ARB2A: variants seen among roughly 807,000 people sequenced by gnomAD.
ARB2A encodes ARB2 cotranscriptional regulator A, also known as cotranscriptional regulator ARB2A.
the ARB2A span, among the ~76,000 whole-genome samples, chr5:94,068,482 T>C: frequency 6.6e-6 from 1 of 152,122 alleles, no homozygotes; most frequent in Non-Finnish European, 1.5e-5. Context: ...CAAGATTTAA[T>C]AGAGTGAAAA....
chr5:93,888,219 AT>A, the ARB2A span, among the ~76,000 whole-genome samples: 1 of 151,886 alleles, frequency 6.6e-6, no homozygotes, highest in Non-Finnish European at 1.5e-5. Context: ...CCATTAATAC[AT>A]TTACCATTCA....
the ARB2A span, among the ~76,000 whole-genome samples, chr5:93,804,536 T>C: frequency 6.6e-6 from 1 of 151,816 alleles, no homozygotes; most frequent in African/African-American, 2.4e-5. Flanking sequence ...AAAGAAAAAA[T>C]ACAGCATAAA....
chr5:93,775,058 G>C, the ARB2A span, among the ~76,000 whole-genome samples: 1 of 151,866 alleles, frequency 6.6e-6, no homozygotes, highest in Non-Finnish European at 1.5e-5. Flanking sequence ...GTCTGTCTCT[G>C]TGTGTGTGTA....
At chr5:93,737,825 C>T in the ARB2A span, 3 of 406,386 alleles carry the variant, frequency 7.4e-6, no homozygotes, top group African/African-American at 4.2e-5. Flanking sequence ...ATACCGTATA[C>T]AAAAATTAAC....
At chr5:94,008,128 CAA>C in the ARB2A span, among the ~76,000 whole-genome samples, 1 of 152,100 alleles carries the variant, frequency 6.6e-6, no homozygotes, top group African/African-American at 2.4e-5. Flanking sequence ...CCAGAATCTA[CAA>C]AGAGAGAAGC....
chr5:94,020,192 T>G, the ARB2A span, among the ~76,000 whole-genome samples: 1 of 143,222 alleles, frequency 7.0e-6, no homozygotes, highest in Non-Finnish European at 1.5e-5. Flanking sequence ...ATGTTCTCAC[T>G]CATAAGTGGG....
chr5:93,627,212 T>G, the ARB2A span, among the ~76,000 whole-genome samples: 1 of 152,322 alleles, frequency 6.6e-6, no homozygotes, highest in East Asian at 1.9e-4. Context: ...GCAGTTTACT[T>G]CCTTTACTGA....
the ARB2A span, among the ~76,000 whole-genome samples, chr5:93,960,999 A>T: frequency 4.4e-4 from 67 of 152,164 alleles, no homozygotes; most frequent in Non-Finnish European, 8.7e-4. Flanking sequence ...ACCTAGGAAC[A>T]TTATATAAAA....
the ARB2A span, among the ~76,000 whole-genome samples, chr5:93,926,992 G>C: frequency 6.7e-6 from 1 of 148,826 alleles, no homozygotes; most frequent in Non-Finnish European, 1.5e-5. Context: ...AGGTCATTGA[G>C]AGAAAAAGGC....
At chr5:93,958,933 G>A in the ARB2A span, 2 of 1,602,592 alleles carry the variant, frequency 1.2e-6, no homozygotes, top group Non-Finnish European at 1.7e-6. Context: ...CACTCATAAA[G>A]ATAAAACTCT....
chr5:93,836,771 G>A, the ARB2A span, among the ~76,000 whole-genome samples: 1 of 152,048 alleles, frequency 6.6e-6, no homozygotes, highest in African/African-American at 2.4e-5. Flanking sequence ...CAAAATTGAA[G>A]GACATTATTC....
the ARB2A span, among the ~76,000 whole-genome samples, chr5:94,100,961 T>C: frequency 6.6e-6 from 1 of 152,048 alleles, no homozygotes; most frequent in Non-Finnish European, 1.5e-5. Flanking sequence ...CTTAAGAGCT[T>C]CTGCACAGCA....
the ARB2A span, among the ~76,000 whole-genome samples, chr5:94,090,379 C>A: frequency 3.3e-5 from 5 of 152,212 alleles, no homozygotes; most frequent in East Asian, 9.6e-4. Context: ...GATTTTGTAT[C>A]CTGAGAATTT....
At chr5:94,102,568 G>C in the ARB2A span, among the ~76,000 whole-genome samples, 2 of 152,086 alleles carry the variant, frequency 1.3e-5, no homozygotes, top group African/African-American at 2.4e-5. Flanking sequence ...CTGAAAGAGA[G>C]AGACATGAGA....
the ARB2A span, among the ~76,000 whole-genome samples, chr5:93,892,887 CT>C: frequency 6.6e-6 from 1 of 152,160 alleles, no homozygotes. Context: ...CATACTTCCT[CT>C]GTCTAAAAAC....
the ARB2A span, among the ~76,000 whole-genome samples, chr5:94,058,479 T>C: frequency 6.6e-6 from 1 of 152,068 alleles, no homozygotes; most frequent in Non-Finnish European, 1.5e-5. Context: ...TCTGTATGTT[T>C]GAAAAAAATG....
the ARB2A span, among the ~76,000 whole-genome samples, chr5:93,926,034 A>C: frequency 6.6e-6 from 1 of 152,196 alleles, no homozygotes; most frequent in East Asian, 1.9e-4. Flanking sequence ...AATGCAATAC[A>C]TTGAAGATAT....
the ARB2A span, among the ~76,000 whole-genome samples, chr5:93,670,086 T>C: frequency 1.3e-5 from 2 of 152,106 alleles, no homozygotes; most frequent in Admixed American, 1.3e-4. Flanking sequence ...TCATCCTTCC[T>C]ATCCCCTCAC....
At chr5:93,651,728 C>T in the ARB2A span, among the ~76,000 whole-genome samples, 2 of 151,944 alleles carry the variant, frequency 1.3e-5, no homozygotes, top group African/African-American at 4.8e-5. Flanking sequence ...AAAGTTATAA[C>T]AATATATTAT....
Sources: gnomAD v4.1 joint callset for allele counts (sites outside exome capture counted in the v4.1 genomes callset) on GRCh38, gnomAD v4.1.1 for gene constraint, MANE v1.5 for transcripts, NCBI Gene and HGNC (gene_info 2026-07-23, HGNC 2026-07-21) for gene names.